RBFOX1: variants seen among roughly 807,000 people sequenced by gnomAD.
The protein encoded by RBFOX1 is RNA binding fox-1 homolog 1, also known as RNA binding protein fox-1 homolog 1.
RBFOX1 carries 8 observed loss-of-function variants against 57.7 expected under a neutral mutation model. That is an observed-to-expected ratio of 0.14 (90% CI 0.08 to 0.25). The LOEUF is 0.25. Ranked by LOEUF, RBFOX1 falls within the 10% of genes least tolerant of loss-of-function variation. The probability of loss-of-function intolerance (pLI) is 1.00; values close to 1 mark genes in which losing one functional copy is unlikely to be tolerated. For synonymous variants in RBFOX1, 326 were observed against 222.4 expected (o/e 1.47, Z -4.15); for missense variants, 611 against 548.5 (o/e 1.11, Z -1.14).
intron 2 of RBFOX1, among the ~76,000 whole-genome samples, chr16:6,450,819 A>ATG (rs1567303499): frequency 0.01 from 91 of 8,682 alleles, 12 homozygotes; most frequent in African/African-American, 0.063. Context: ...ATATATATAC[A>ATG]TATATATATA....
intron 1 of RBFOX1, among the ~76,000 whole-genome samples, chr16:5,400,212 C>G (rs1167205619): frequency 6.6e-6 from 1 of 152,074 alleles, no homozygotes; most frequent in Non-Finnish European, 1.5e-5. Flanking sequence ...CTGCCTCAGC[C>G]TCTCGAGTAA....
chr16:6,846,692 G>A (rs546069667), intron 3 of RBFOX1, among the ~76,000 whole-genome samples: 3 of 152,154 alleles, frequency 2.0e-5, no homozygotes, highest in African/African-American at 4.8e-5. Flanking sequence ...GAATGGTAAC[G>A]TTCGCCAGTA....
chr16:6,004,328 T>C lies in RBFOX1; in HGVS notation c.351+136993T>C, dbSNP rs146166673. Reference sequence around the variant, plus strand: ...TCACTTAGCTTCTCTAAGCCTCAGTTTTCTTATCTGCAAAATGGAGATAAT... The same window carrying C: ...TCACTTAGCTTCTCTAAGCCTCAGTCTTCTTATCTGCAAAATGGAGATAAT... On this transcript the variant is annotated intron_variant, in intron 4 of 19. Coordinates refer to the RBFOX1 transcript ENST00000641259. 3.6e-3 allele frequency among the ~76,000 whole-genome samples: 553 copies of C among 152,352 alleles called. 3 individuals carry two copies. Among genetic ancestry groups the C allele is most frequent in the African/African-American group, 0.013 (538 of 41,592 alleles).
intron 1 of RBFOX1, among the ~76,000 whole-genome samples, chr16:6,275,817 C>G (rs1346370129): frequency 1.3e-5 from 2 of 152,100 alleles, no homozygotes; most frequent in African/African-American, 4.8e-5. Context: ...GGTAACTGAC[C>G]TTGTGAAATA....
At chr16:5,563,943 A>G (rs2045974076) in intron 2 of RBFOX1, among the ~76,000 whole-genome samples, 1 of 152,150 alleles carries the variant, frequency 6.6e-6, no homozygotes, top group Admixed American at 6.5e-5. Flanking sequence ...ACTATGACCT[A>G]GATGTGGTTA....
At chr16:5,815,854 G>A (rs887468115) in intron 3 of RBFOX1, among the ~76,000 whole-genome samples, 1 of 152,206 alleles carries the variant, frequency 6.6e-6, no homozygotes, top group African/African-American at 2.4e-5. Context: ...AATGAACTCA[G>A]ATGGGGGCAG....
chr16:7,338,420 G>A (rs1208381835), intron 4 of RBFOX1, among the ~76,000 whole-genome samples: 1 of 152,132 alleles, frequency 6.6e-6, no homozygotes, highest in African/African-American at 2.4e-5. Flanking sequence ...TTTAGAGAAA[G>A]GGTCTCACTC....
Position 5,761,958 on chromosome 16 carries a change from C to G in RBFOX1, c.319-105345C>G, listed in dbSNP as rs74850444. ...AGGAGGCAGGGATGGGAATGAGCTT[C>G]ATGGCAGAGTTTGAATTTGGTCTCT... On this transcript the variant is annotated intron_variant, in intron 3 of 19. Coordinates refer to the RBFOX1 transcript ENST00000641259. Among the ~76,000 whole-genome samples, 423 of 152,246 alleles carry G rather than the reference C, an allele frequency of 2.8e-3. 5 individuals are homozygous for G. The highest frequency in any genetic ancestry group is 9.8e-3 in the African/African-American group (407 of 41,546).
intron 4 of RBFOX1, among the ~76,000 whole-genome samples, chr16:7,206,980 T>C (rs2090120610): frequency 6.6e-6 from 1 of 152,148 alleles, no homozygotes. Flanking sequence ...TTCATGGCCT[T>C]TTGCAGCCAA....
chr16:7,441,045 C>G (rs980120220), intron 4 of RBFOX1, among the ~76,000 whole-genome samples: 14 of 138,622 alleles, frequency 1.0e-4, no homozygotes, highest in Non-Finnish European at 2.1e-4. Context: ...TTCTTAAAAA[C>G]CAAAGAAAAA....
intron 3 of RBFOX1, among the ~76,000 whole-genome samples, chr16:5,632,916 C>T (rs2048562053): frequency 6.7e-6 from 1 of 148,676 alleles, no homozygotes; most frequent in African/African-American, 2.5e-5. Flanking sequence ...CACCTGATTC[C>T]TGGGCTTGCA....
At chr16:5,920,442 T>C (rs1189693883) in intron 4 of RBFOX1, among the ~76,000 whole-genome samples, 1 of 152,224 alleles carries the variant, frequency 6.6e-6, no homozygotes, top group Non-Finnish European at 1.5e-5. Context: ...GGGGACCTGT[T>C]TTTATTTCTC....
intron 1 of RBFOX1, among the ~76,000 whole-genome samples, chr16:6,107,147 GT>G (rs1380981563): frequency 6.6e-6 from 1 of 151,992 alleles, no homozygotes; most frequent in Admixed American, 6.5e-5. Context: ...TTGCTTTTTT[GT>G]TTTTTTGTTT....
chr16:5,659,008 C>T (rs144973480), intron 3 of RBFOX1, among the ~76,000 whole-genome samples: 436 of 151,828 alleles, frequency 2.9e-3, no homozygotes, highest in Non-Finnish European at 5.2e-3. Flanking sequence ...TTTTGCATAA[C>T]CTTGGTAGAT....
rs907646896 is a variant in RBFOX1, at chr16:6,705,030, AT to A, written c.-16+50389del. 5 of 150,798 alleles carry A rather than the reference AT, an allele frequency of 3.3e-5. No homozygotes were observed. The East Asian group carries it at 5.8e-4, about 18-fold the overall frequency. 9.3% of individuals were successfully genotyped at this position (150,798 alleles called of 1,614,324 possible). ...TCCGGAACCTTGGAGTGACGTGTGG[AT>A]TTTTTTTTAATGCCCCAACCAGATG... On this transcript the variant is annotated intron_variant, in intron 3 of 15. Transcript: ENST00000550418.
At chr16:6,923,540 A>G (rs557412236) in intron 3 of RBFOX1, among the ~76,000 whole-genome samples, 1 of 152,228 alleles carries the variant, frequency 6.6e-6, no homozygotes, top group Admixed American at 6.5e-5. Flanking sequence ...CTCAAAAATA[A>G]ATAAATAAAA....
intron 3 of RBFOX1, among the ~76,000 whole-genome samples, chr16:5,645,652 T>C (rs1007079299): frequency 6.6e-6 from 1 of 152,220 alleles, no homozygotes; most frequent in African/African-American, 2.4e-5. Flanking sequence ...GTGTGTGCTT[T>C]ATTATGTATT....
At chr16:6,896,312 A>C (rs1164713572) in intron 3 of RBFOX1, among the ~76,000 whole-genome samples, 1 of 152,098 alleles carries the variant, frequency 6.6e-6, no homozygotes, top group Non-Finnish European at 1.5e-5. Context: ...ATCCAAGTAC[A>C]CTCTTTTAGT....
rs1013290193 is a variant in RBFOX1, at chr16:6,921,317, C to G, written c.-15-130740C>G. Among the ~76,000 whole-genome samples the G allele has an allele frequency of 1.1e-4, 16 of 152,322 alleles. No homozygotes were observed. The East Asian group carries it at 2.7e-3, about 26-fold the overall frequency. On this transcript the variant is annotated intron_variant, in intron 3 of 15. Transcript: ENST00000550418. ...GCTGTGTCCTTTGTTCATGCTCTCA[C>G]ATGACTCCAGTGAACCTGTCAGGTG...
Sources: allele counts gnomAD v4.1 joint callset (sites outside exome capture counted in the v4.1 genomes callset), GRCh38; gene constraint gnomAD v4.1.1; transcripts MANE v1.5; gene names NCBI Gene and HGNC (gene_info 2026-07-23, HGNC 2026-07-21).